The following GP2 variants were observed in gnomAD, a reference collection of about 807,000 sequenced individuals.
The protein encoded by GP2 is glycoprotein 2, also known as pancreatic secretory granule membrane major glycoprotein GP2.
Under a neutral mutation model 60.8 loss-of-function variants are expected in GP2, and 58 were observed. The observed-to-expected ratio is 0.95, with a 90% CI of 0.77 to 1.19. The LOEUF is 1.19. Among genes scored for constraint, GP2 ranks in the 50% most tolerant of loss-of-function variants. GP2 has a pLI of 0.00. For missense variants in GP2, 647 were observed against 667.4 expected, an observed-to-expected ratio of 0.97 and a Z score of 0.34; for synonymous variants, 280 against 253.4, an observed-to-expected ratio of 1.10 and a Z score of -1.00.
At position 20,324,027 on chromosome 16, in the gene GP2, G is replaced by C. The variant is rs1009355193; in HGVS notation, c.324C>G (p.Val108=). The C allele has an allele frequency of 3.7e-6, 6 of 1,613,804 alleles. No homozygotes were observed. Among genetic ancestry groups the C allele is most frequent in the Non-Finnish European group, 5.1e-6 (6 of 1,179,778 alleles). Residue 108 remains valine, a synonymous_variant, in exon 3 of 11, where the codon GTC becomes GTG. Transcript: ENST00000302555. ...EGGVRMSETC[V]QVHRCQTDAP... ...CGTCTGTCTGGCATCGGTGCACCTG[G>C]ACACAGGTCTCCGACATCCTTACTC...
rs186284216 is a variant in GP2, at chr16:20,311,923, T to G, written c.1547-642A>C. Among the ~76,000 whole-genome samples the G allele has an allele frequency of 7.8e-4, 118 of 152,030 alleles. No individual in the cohort carries two copies. The Middle Eastern group carries it at 0.02, about 26-fold the overall frequency. On this transcript the variant is annotated intron_variant, in intron 10 of 10. Coordinates refer to ENST00000302555, the MANE Select transcript of GP2 (RefSeq NM_001502.4). The stretch of plus-strand genomic sequence containing the variant: ...ATGCCTGATTACTTAGCTTAGAATC[T>G]CAGCTCTACACCTAGCTGGGCAGTC...
At chr16:20,323,776 T>C (rs756871949) in intron 3 of GP2, 40 bp downstream of exon 3, 15 of 1,346,560 alleles carry the variant, frequency 1.1e-5, no homozygotes, top group Admixed American at 1.9e-5. Flanking sequence ...AGGCATCTCA[T>C]TGGCTGTGTA....
chr16:20,320,772 A>G (rs1471471524), intron 4 of GP2, among the ~76,000 whole-genome samples: 5 of 152,192 alleles, frequency 3.3e-5, no homozygotes, highest in Admixed American at 3.3e-4. Context: ...TCAAAGTTAG[A>G]TATATGCTAC....
chr16:20,325,642 C>T (rs1249721404), intron 2 of GP2, among the ~76,000 whole-genome samples: 1 of 152,114 alleles, frequency 6.6e-6, no homozygotes, highest in Admixed American at 6.6e-5. Context: ...CTGTAGATGC[C>T]TGAAGAAGGA....
Position 20,327,465 on chromosome 16 carries a change from A to T in GP2, c.-37+2T>A, listed in dbSNP as rs1323847479. ...CCTCCTGGGGCTTAAAGCAGGACTT[A>T]CCTCCGATGAGAACACAAAGCGTTC... On this transcript the variant is annotated splice_donor_variant, in intron 1 of 10. Coordinates refer to ENST00000302555, the MANE Select transcript of GP2 (RefSeq NM_001502.4). LOFTEE classifies it low-confidence loss of function (5UTR_SPLICE). 1.6e-5 allele frequency: 20 copies of T among 1,287,340 alleles called. No individual in the cohort carries two copies. In the South Asian group the frequency reaches 2.0e-4, roughly 13 times the overall value. The allele number at this position is 1,287,340 out of a possible 1,614,324, so 79.7% of individuals were successfully genotyped here. A position where few individuals can be genotyped will look rare whatever the true frequency, so the allele number is the denominator to read the frequency against.
rs1964467100 is a variant in GP2, at chr16:20,324,316, T to G, written c.95-60A>C. 4.4e-6 allele frequency: 5 copies of G among 1,140,594 alleles called. No homozygotes were observed. The African/African-American group carries it at 7.7e-5, about 17-fold the overall frequency. The allele number at this position is 1,140,594 out of a possible 1,614,324, so 70.7% of individuals were successfully genotyped here. A position where few individuals can be genotyped will look rare whatever the true frequency, so the allele number is the denominator to read the frequency against. The stretch of plus-strand genomic sequence containing the variant: ...AGCAATGCCAGAACCTACAGGATTT[T>G]TTCCCCTCCATGCTCTATTTTGGCT... On this transcript the variant is annotated intron_variant, in intron 2 of 10. Coordinates refer to ENST00000302555, the MANE Select transcript of GP2 (RefSeq NM_001502.4).
intron 2 of GP2, among the ~76,000 whole-genome samples, chr16:20,324,648 C>T (rs1351198813): frequency 3.3e-5 from 5 of 152,194 alleles, no homozygotes; most frequent in African/African-American, 7.2e-5. Context: ...TGAAAGTTGT[C>T]ATAAGCCCAT....
intron 7 of GP2, 34 bp from the exon 8 acceptor site, chr16:20,317,409 TA>T: frequency 1.3e-6 from 2 of 1,567,686 alleles, no homozygotes; most frequent in Non-Finnish European, 1.8e-6. Flanking sequence ...GTGTAACTTC[TA>T]AAAACAGCAG....
Position 20,311,216 on chromosome 16 carries a change from G to T in GP2, c.*7C>A. The T allele has an allele frequency of 1.3e-6, 2 of 1,595,012 alleles. No individual in the cohort carries two copies. Among genetic ancestry groups the T allele is most frequent in the Middle Eastern group, 1.7e-4 (1 of 6,038 alleles). ...CAAACTTCAAGGCCAGATGCTCAGC[G>T]GAGCTCTCAGAACAGCCAAGCCAGG... is the stretch of plus-strand genomic sequence containing the variant. On this transcript the variant is annotated 3_prime_UTR_variant, in exon 11 of 11. Transcript: ENST00000302555.
rs1374648743 is a variant in GP2 at position 20,320,411 on chromosome 16, T to G, written c.709A>C (p.Lys237Gln). The stretch of plus-strand genomic sequence containing the variant: ...AAACCCAGGCCTCCCAGCAAACATT[T>G]GTCCACCTTCACCTTGATCTCCCTG... ...GPREIKVKVD[K>Q]CLLGGLGLGE... Residue 237 changes from lysine (K) to glutamine (Q), a missense_variant, in exon 5 of 11, where the codon AAA (lysine) becomes CAA (glutamine). Lys to Gln is a moderately conservative substitution (Grantham distance 53). Transcript: ENST00000302555. 7.4e-6 allele frequency: 12 copies of G among 1,613,988 alleles called. No homozygotes were observed. The highest frequency in any genetic ancestry group is 1.6e-4 in the Middle Eastern group (1 of 6,084).
chr16:20,313,963 G>A (rs1964073743), intron 10 of GP2, among the ~76,000 whole-genome samples: 1 of 152,154 alleles, frequency 6.6e-6, no homozygotes. Flanking sequence ...TGCCCCGCTA[G>A]CCTTGGACAG....
At chr16:20,317,857 A>G (rs551921159) in intron 7 of GP2, among the ~76,000 whole-genome samples, 1 of 152,286 alleles carries the variant, frequency 6.6e-6, no homozygotes, top group Non-Finnish European at 1.5e-5. Context: ...ATTTCACCCC[A>G]CAACATTTAT....
At position 20,318,270 on chromosome 16, in the gene GP2, G is replaced by A. The variant is rs752992369; in HGVS notation, c.1168C>T (p.Arg390Trp). The A allele has an allele frequency of 5.6e-6, 9 of 1,612,346 alleles. No individual in the cohort carries two copies. The highest frequency in any genetic ancestry group is 3.3e-5 in the Admixed American group (2 of 60,000). ...CAGTTCCTCAACACCAGGTTAAACCGGGAGGTGTCCCCTTGTTCCAAGATG... is the reference window on the plus strand; with the variant it reads ...CAGTTCCTCAACACCAGGTTAAACCAGGAGGTGTCCCCTTGTTCCAAGATG... ...GAILEQGDTSRFNLVLRNCYA... is the reference protein window; with the variant it reads ...GAILEQGDTSWFNLVLRNCYA... The change falls in exon 7 of 11, where the codon CGG (arginine) becomes TGG (tryptophan). Residue 390 changes from arginine (R) to tryptophan (W), a missense_variant. Arg to Trp is a moderately radical substitution (Grantham distance 101). Transcript: ENST00000302555.
chr16:20,317,726 A>G (rs551033828), intron 7 of GP2, among the ~76,000 whole-genome samples: 1 of 152,356 alleles, frequency 6.6e-6, no homozygotes, highest in South Asian at 2.1e-4. Flanking sequence ...ATTGCTTGGC[A>G]CATAGCTAAT....
intron 8 of GP2, among the ~76,000 whole-genome samples, chr16:20,316,374 C>G (rs1030993892): frequency 6.6e-6 from 1 of 152,184 alleles, no homozygotes; most frequent in Non-Finnish European, 1.5e-5. Flanking sequence ...AGTAAGCACT[C>G]GGAAAATGCC....
intron 10 of GP2, among the ~76,000 whole-genome samples, chr16:20,313,965 C>T (rs1964073862): frequency 4.6e-5 from 7 of 152,084 alleles, no homozygotes; most frequent in Admixed American, 4.6e-4. Context: ...CCCCGCTAGC[C>T]TTGGACAGCT....
At chr16:20,322,233 T>C (rs1964386081) in intron 4 of GP2, among the ~76,000 whole-genome samples, 2 of 152,182 alleles carry the variant, frequency 1.3e-5, no homozygotes, top group African/African-American at 4.8e-5. Context: ...TCAAAGGCCC[T>C]TGTTAGAGTT....
chr16:20,319,893 A>G (rs1964299999), intron 5 of GP2, 125 bp from the exon 6 acceptor site: 3 of 766,752 alleles, frequency 3.9e-6, no homozygotes, highest in Non-Finnish European at 6.7e-6. Context: ...TTCTGAGCTC[A>G]TGGAGGTCAA....
chr16:20,323,765 G>A (rs778488430), intron 3 of GP2, 51 bp downstream of exon 3: 2 of 1,217,670 alleles, frequency 1.6e-6, no homozygotes, highest in Non-Finnish European at 2.3e-6. Context: ...CTGAGCCTGG[G>A]AGGCATCTCA....
Sources: allele counts gnomAD v4.1 joint callset (sites outside exome capture counted in the v4.1 genomes callset), GRCh38; gene constraint gnomAD v4.1.1; transcripts MANE v1.5; gene names NCBI Gene and HGNC (gene_info 2026-07-23, HGNC 2026-07-21).